Variants in SLAIN2 observed in about 807,000 individuals in gnomAD.
SLAIN2 encodes the protein SLAIN motif-containing protein 2.
SLAIN2 carries 31 observed loss-of-function variants against 56.6 expected under a neutral mutation model. That is an observed-to-expected ratio of 0.55 (90% CI 0.41 to 0.74). The LOEUF is 0.74. Ranked by LOEUF, SLAIN2 falls within the 30% of genes least tolerant of loss-of-function variation. The probability of loss-of-function intolerance (pLI) is 0.00; values close to 1 mark genes in which losing one functional copy is unlikely to be tolerated. For synonymous variants in SLAIN2, 317 were observed against 284.9 expected (o/e 1.11, Z -1.13); for missense variants, 777 against 754.2 (o/e 1.03, Z -0.35).
At chr4:48,409,005 A>G (rs1440075847) in intron 6 of SLAIN2, among the ~76,000 whole-genome samples, 2 of 152,200 alleles carry the variant, frequency 1.3e-5, no homozygotes, top group Non-Finnish European at 1.5e-5. Context: ...GTACAGTAGC[A>G]TGCTGTATTG....
At chr4:48,413,613 T>C (rs11943914) in intron 6 of SLAIN2, among the ~76,000 whole-genome samples, 108 of 152,360 alleles carry the variant, frequency 7.1e-4, no homozygotes, top group African/African-American at 2.5e-3. Flanking sequence ...TAAGGGATCG[T>C]TGACAAGGAG....
intron 6 of SLAIN2, chr4:48,394,463 C>A: frequency 1.3e-6 from 1 of 771,234 alleles, no homozygotes; most frequent in South Asian, 1.8e-5. Flanking sequence ...CACCTTATGG[C>A]TTCTGTTCTT....
At chr4:48,342,807 G>A (rs1714761893) in intron 1 of SLAIN2, among the ~76,000 whole-genome samples, 1 of 145,830 alleles carries the variant, frequency 6.9e-6, no homozygotes, top group Non-Finnish European at 1.5e-5. Flanking sequence ...ATTGAGTCTG[G>A]CGTTTTGCAG....
intron 6 of SLAIN2, among the ~76,000 whole-genome samples, chr4:48,398,159 G>A (rs537367112): frequency 7.2e-5 from 11 of 152,026 alleles, no homozygotes; most frequent in Admixed American, 6.6e-4. Context: ...CCACAGCCTC[G>A]CCAGCCAGCA....
intron 1 of SLAIN2, among the ~76,000 whole-genome samples, chr4:48,357,936 T>A (rs1715204275): frequency 6.6e-6 from 1 of 151,724 alleles, no homozygotes; most frequent in Non-Finnish European, 1.5e-5. Context: ...TGGCCTCAAG[T>A]GACCCTCCCA....
chr4:48,418,089 C>A (rs1717045021), intron 6 of SLAIN2, among the ~76,000 whole-genome samples: 1 of 151,444 alleles, frequency 6.6e-6, no homozygotes, highest in Non-Finnish European at 1.5e-5. Flanking sequence ...TCTTCTTCTT[C>A]TTCCTCTTCC....
chr4:48,412,215 A>C (rs1461049237), intron 6 of SLAIN2, among the ~76,000 whole-genome samples: 2 of 152,222 alleles, frequency 1.3e-5, no homozygotes, highest in Non-Finnish European at 2.9e-5. Flanking sequence ...TACTAAAACT[A>C]ACGTGTCTCT....
intron 6 of SLAIN2, among the ~76,000 whole-genome samples, chr4:48,392,042 A>T (rs1176586999): frequency 6.6e-6 from 1 of 152,170 alleles, no homozygotes; most frequent in Non-Finnish European, 1.5e-5. Flanking sequence ...AACACACTGA[A>T]CTCTATTATT....
At chr4:48,418,387 A>G (rs1472002767) in intron 6 of SLAIN2, among the ~76,000 whole-genome samples, 1 of 152,010 alleles carries the variant, frequency 6.6e-6, no homozygotes, top group Non-Finnish European at 1.5e-5. Context: ...ATTTTGTCAG[A>G]TGCTTTTTTT....
intron 6 of SLAIN2, among the ~76,000 whole-genome samples, chr4:48,409,196 A>G (rs115679508): frequency 0.015 from 2,323 of 152,254 alleles, 42 homozygotes; most frequent in African/African-American, 0.052. Context: ...AGACAATCCA[A>G]TTACACTCTT....
At position 48,377,980 on chromosome 4, in the gene SLAIN2, A is replaced by G; in HGVS notation, c.623A>G (p.Tyr208Cys). The change falls in exon 3 of 8, where the codon TAC (tyrosine) becomes TGC (cysteine). Residue 208 changes from tyrosine (Y) to cysteine (C), a missense_variant. Physicochemically the swap from Tyr to Cys is radical, Grantham distance 194. Transcript: ENST00000264313. ...SPYSPNASSP[Y>C]SSGFNSPSST... Reference sequence around the variant, plus strand: ...TACAGTCCAAATGCCAGTAGCCCATACAGCAGTGGCTTCAATTCTCCATCC... The same window carrying G: ...TACAGTCCAAATGCCAGTAGCCCATGCAGCAGTGGCTTCAATTCTCCATCC... The G allele has an allele frequency of 6.2e-7, 1 of 1,613,966 alleles. No homozygotes were observed. The highest frequency in any genetic ancestry group is 8.5e-7 in the Non-Finnish European group (1 of 1,179,874).
Position 48,420,340 on chromosome 4 carries a change from C to T in SLAIN2, c.1576C>T (p.Pro526Ser), listed in dbSNP as rs781493018. The change falls in exon 7 of 8, where the codon CCT (proline) becomes TCT (serine). Residue 526 changes from proline to serine, a missense_variant. Transcript: ENST00000264313. ...SNINSATLTR[P>S]AGTTAMRSGL... ...TATCAACAGCGCTACTCTAACCAGA[C>T]CTGCAGGGACAACTGCAATGAGAAG... 3.1e-6 allele frequency: 5 copies of T among 1,614,036 alleles called. No individual in the cohort carries two copies. In the Admixed American group the frequency reaches 6.7e-5, roughly 22 times the overall value.
At chr4:48,413,383 G>A (rs1189380017) in intron 6 of SLAIN2, among the ~76,000 whole-genome samples, 2 of 152,110 alleles carry the variant, frequency 1.3e-5, no homozygotes, top group African/African-American at 4.8e-5. Flanking sequence ...CTGTGGTTGT[G>A]GTAATTTCCC....
At chr4:48,416,413 A>ACAACCTGC (rs1716996234) in intron 6 of SLAIN2, among the ~76,000 whole-genome samples, 1 of 126,396 alleles carries the variant, frequency 7.9e-6, no homozygotes. Context: ...TTGATTTTGT[A>ACAACCTGC]TCCTGAGACT....
intron 2 of SLAIN2, among the ~76,000 whole-genome samples, chr4:48,372,420 A>G (rs1382875789): frequency 1.3e-5 from 2 of 152,220 alleles, no homozygotes; most frequent in East Asian, 1.9e-4. Context: ...GCAGCCATAG[A>G]CAATACATAA....
In SLAIN2 at chr4:48,422,339, T is replaced by C. The variant is rs1717179782; in HGVS notation, c.*262T>C. Reference sequence around the variant, plus strand: ...TGTTTAATAGAAACTAGGTTGATTTTTAAAAAATATTTGACAGAGGCCAAT... The same window carrying C: ...TGTTTAATAGAAACTAGGTTGATTTCTAAAAAATATTTGACAGAGGCCAAT... On this transcript the variant is annotated 3_prime_UTR_variant, in exon 8 of 8. Coordinates refer to ENST00000264313, the MANE Select transcript of SLAIN2 (RefSeq NM_020846.2). The C allele has an allele frequency of 3.2e-6, 1 of 314,270 alleles. No individual in the cohort carries two copies. Among genetic ancestry groups the C allele is most frequent in the African/African-American group, 2.1e-5 (1 of 46,578 alleles). 19.5% of individuals were successfully genotyped at this position (314,270 alleles called of 1,614,324 possible).
chr4:48,396,497 T>C (rs895565539), intron 6 of SLAIN2, among the ~76,000 whole-genome samples: 1 of 152,218 alleles, frequency 6.6e-6, no homozygotes, highest in African/African-American at 2.4e-5. Context: ...GAATATCTTT[T>C]GGATCCAAGG....
rs10649464 is a variant in SLAIN2 at position 48,395,810 on chromosome 4, C to CTTTT, written c.1360+12041_1360+12044dup. Among the ~76,000 whole-genome samples, 577 of 72,762 alleles carry CTTTT rather than the reference C, an allele frequency of 7.9e-3. 22 individuals are homozygous for CTTTT. Among genetic ancestry groups the CTTTT allele is most frequent in the South Asian group, 0.031 (49 of 1,596 alleles). The allele number at this position is 72,762 out of a possible 152,430, so 47.7% of individuals were successfully genotyped here. On this transcript the variant is annotated intron_variant, in intron 6 of 7. Transcript: ENST00000264313. Reference sequence around the variant, plus strand: ...TGTGGACTTATTTGGGAACCTTAGGCTTTTTTTTTTTTTTTTTTGAGACTT... The same window carrying CTTTT: ...TGTGGACTTATTTGGGAACCTTAGGCTTTTTTTTTTTTTTTTTTTTTTGAGACTT...
chr4:48,404,543 C>T (rs1413805470), intron 6 of SLAIN2, among the ~76,000 whole-genome samples: 2 of 152,156 alleles, frequency 1.3e-5, no homozygotes, highest in African/African-American at 2.4e-5. Context: ...TGTTTCCCCT[C>T]CTATGATTTT....
Sources: gnomAD v4.1 joint callset for allele counts (sites outside exome capture counted in the v4.1 genomes callset) on GRCh38, gnomAD v4.1.1 for gene constraint, MANE v1.5 for transcripts, NCBI Gene and HGNC (gene_info 2026-07-23, HGNC 2026-07-21) for gene names.